The following OXTR variants were observed in gnomAD, a reference collection of about 807,000 sequenced individuals.
The protein encoded by OXTR is oxytocin receptor.
OXTR carries 19 observed loss-of-function variants against 23.9 expected under a neutral mutation model. The observed-to-expected ratio is 0.80, with a 90% CI of 0.56 to 1.17. The LOEUF (loss-of-function observed/expected upper bound fraction) is 1.17, where lower values mean the gene tolerates loss of function less well. Ranked by LOEUF, OXTR falls within the 50% of genes most tolerant of loss-of-function variation. The pLI is 0.00. For missense variants in OXTR, 500 were observed against 550.7 expected (o/e 0.91, Z 0.92); for synonymous variants, 278 against 250.5 (o/e 1.11, Z -1.04).
At chr3:8,760,039 C>T (rs1251127101) in intron 3 of OXTR, among the ~76,000 whole-genome samples, 2 of 152,226 alleles carry the variant, frequency 1.3e-5, no homozygotes, top group Non-Finnish European at 2.9e-5. Context: ...CTTGGACTTG[C>T]CACCATGCGC....
At chr3:8,760,766 T>C (rs1304662267) in intron 3 of OXTR, among the ~76,000 whole-genome samples, 2 of 152,142 alleles carry the variant, frequency 1.3e-5, no homozygotes, top group Non-Finnish European at 2.9e-5. Context: ...GCAGGAACAG[T>C]ATTAGCAAAG....
intron 3 of OXTR, among the ~76,000 whole-genome samples, chr3:8,762,638 G>T (rs560924495): frequency 1.3e-5 from 2 of 152,162 alleles, no homozygotes; most frequent in Non-Finnish European, 1.5e-5. Flanking sequence ...CCCACACCTC[G>T]GGCACAGCAT....
rs1708233865 is a variant in OXTR, at chr3:8,750,549, C to T, written c.*2428G>A. ...AGTAGTCATGCCTCATCTCTCACAG[C>T]CTCCAGGCCCTGGCAAACGCTAATC... On this transcript the variant is annotated 3_prime_UTR_variant, in exon 4 of 4. Coordinates refer to ENST00000316793, the MANE Select transcript of OXTR (RefSeq NM_000916.4). 1 of 152,256 alleles carries T rather than the reference C, an allele frequency of 6.6e-6. No individual in the cohort carries two copies. The highest frequency in any genetic ancestry group is 2.4e-5 in the African/African-American group (1 of 41,458). 9.4% of individuals were successfully genotyped at this position (152,256 alleles called of 1,614,324 possible).
Position 8,767,970 on chromosome 3 carries a change from C to T in OXTR, c.218G>A (p.Arg73His). The change falls in exon 3 of 4, where the codon CGC becomes CAC. Residue 73 changes from arginine (R) to histidine (H), a missense_variant. Coordinates refer to ENST00000316793, the MANE Select transcript of OXTR (RefSeq NM_000916.4). ...ALRTTRQKHSRLFFFMKHLSI... is the reference protein window; with the variant it reads ...ALRTTRQKHSHLFFFMKHLSI... ...TAGGTGCTTCATGAAGAAGAAGAGG[C>T]GCGAGTGCTTCTGGCGTGTGGTGCG... is the stretch of plus-strand genomic sequence containing the variant. 1.9e-6 allele frequency: 3 copies of T among 1,612,546 alleles called. No individual in the cohort carries two copies. The highest frequency in any genetic ancestry group is 1.1e-5 in the South Asian group (1 of 90,736).
chr3:8,742,051 C>T, the OXTR span, among the ~76,000 whole-genome samples: 217 of 152,318 alleles, frequency 1.4e-3, no homozygotes, highest in African/African-American at 5.0e-3. Context: ...AAGAAAAAGC[C>T]ATCTCCTCTC....
chr3:8,766,900 C>T (rs1029138853), intron 3 of OXTR, among the ~76,000 whole-genome samples: 6 of 152,158 alleles, frequency 3.9e-5, no homozygotes, highest in Non-Finnish European at 8.8e-5. Flanking sequence ...TCCTCCTAAC[C>T]ACGTGGGAAA....
chr3:8,758,919 C>G (rs1469512121), intron 3 of OXTR, among the ~76,000 whole-genome samples: 1 of 152,184 alleles, frequency 6.6e-6, no homozygotes, highest in African/African-American at 2.4e-5. Context: ...TAAAGGCAAA[C>G]AGTGAGTGTT....
At chr3:8,745,484 G>C (rs1708124478), downstream of OXTR, 1 of 1,163,632 alleles carries the variant, frequency 8.6e-7, no homozygotes, top group Non-Finnish European at 1.3e-6. This position sits in a 1 kb window ranked among gnomAD's most constrained non-coding sequence, Gnocchi z 4.8. Flanking sequence ...TGAGAAGCGG[G>C]TGGCTTCTGT....
intron 3 of OXTR, among the ~76,000 whole-genome samples, chr3:8,757,935 G>A (rs1237080602): frequency 1.3e-5 from 2 of 152,108 alleles, no homozygotes; most frequent in Non-Finnish European, 2.9e-5. Flanking sequence ...GAGAAAGAGA[G>A]ACTTAAAAGA....
At chr3:8,742,243 C>T in the OXTR span, among the ~76,000 whole-genome samples, 1 of 151,986 alleles carries the variant, frequency 6.6e-6, no homozygotes, top group East Asian at 1.9e-4. Context: ...CAGCCCAGCC[C>T]TCTGAGAGCA....
intron 3 of OXTR, among the ~76,000 whole-genome samples, chr3:8,759,053 C>G (rs62243366): frequency 0.022 from 3,322 of 152,334 alleles, 43 homozygotes; most frequent in Non-Finnish European, 0.031. Context: ...CCACCCCAGA[C>G]CTACTGAGTC....
the OXTR span, among the ~76,000 whole-genome samples, chr3:8,741,477 T>G: frequency 1.3e-5 from 2 of 152,284 alleles, no homozygotes; most frequent in African/African-American, 4.8e-5. Flanking sequence ...ACTTGGGTTT[T>G]CTGACTCTGA....
chr3:8,764,197 G>A (rs1431972264), intron 3 of OXTR, among the ~76,000 whole-genome samples: 1 of 140,108 alleles, frequency 7.1e-6, no homozygotes, highest in Non-Finnish European at 1.5e-5. Flanking sequence ...CACCCACTCT[G>A]GCAGCCTTGA....
downstream of OXTR, among the ~76,000 whole-genome samples, chr3:8,747,032 C>T (rs891841699): frequency 6.6e-6 from 1 of 152,042 alleles, no homozygotes; most frequent in African/African-American, 2.4e-5. Context: ...AGTATCCCCC[C>T]AATCCTATCT....
Position 8,753,327 on chromosome 3 carries a change from T to G in OXTR, c.923-103A>C, listed in dbSNP as rs116810301. 1.4e-3 allele frequency: 1,871 copies of G among 1,337,202 alleles called. 22 individuals carry two copies. In the African/African-American group the frequency reaches 0.024, roughly 18 times the overall value. 82.8% of individuals were successfully genotyped at this position (1,337,202 alleles called of 1,614,324 possible). A position where few individuals can be genotyped will look rare whatever the true frequency, so the allele number is the denominator to read the frequency against. Reference sequence around the variant, plus strand: ...AACATCATTTCCTGAGCGACAGCCTTGTCCAAGTACTACATCCTGAATCAC... The same window carrying G: ...AACATCATTTCCTGAGCGACAGCCTGGTCCAAGTACTACATCCTGAATCAC... On this transcript the variant is annotated intron_variant, in intron 3 of 3. Transcript: ENST00000316793.
At chr3:8,759,035 T>C (rs1249368594) in intron 3 of OXTR, among the ~76,000 whole-genome samples, 1 of 152,236 alleles carries the variant, frequency 6.6e-6, no homozygotes. Flanking sequence ...CTGCAAACTC[T>C]TGGGGCCCCA....
At chr3:8,767,046 T>G (rs1708622047) in intron 3 of OXTR, among the ~76,000 whole-genome samples, 1 of 152,180 alleles carries the variant, frequency 6.6e-6, no homozygotes, top group South Asian at 2.1e-4. Flanking sequence ...GTTGGTACTT[T>G]TATCCTTATT....
At chr3:8,745,072 T>C in the OXTR span, 16,654 of 166,514 alleles carry the variant, frequency 0.1, 1,116 homozygotes, top group Non-Finnish European at 0.15. The surrounding 1 kb of genome is among the most constrained non-coding windows in gnomAD (Gnocchi z 4.8). Context: ...GGGTGGGAGG[T>C]GATCGGATCA....
At chr3:8,754,658 T>C (rs963674983) in intron 3 of OXTR, among the ~76,000 whole-genome samples, 1 of 152,198 alleles carries the variant, frequency 6.6e-6, no homozygotes, top group African/African-American at 2.4e-5. Flanking sequence ...CAGTTGGTTG[T>C]TGGTAAGTCT....
Sources: gnomAD v4.1 joint callset for allele counts (sites outside exome capture counted in the v4.1 genomes callset) on GRCh38, gnomAD v4.1.1 for gene constraint, Gnocchi (gnomAD v3.1) non-coding constraint, MANE v1.5 for transcripts, NCBI Gene and HGNC (gene_info 2026-07-23, HGNC 2026-07-21) for gene names.